NRG2: variants seen among roughly 807,000 people sequenced by gnomAD.
NRG2 encodes pro-neuregulin-2, membrane-bound isoform.
Under a neutral mutation model 73.9 loss-of-function variants are expected in NRG2, and 27 were observed. That is an observed-to-expected ratio of 0.37 (90% CI 0.27 to 0.50). The LOEUF is 0.50. NRG2 is among the 20% of genes least tolerant of loss of function. The pLI is 0.96. For missense variants in NRG2, 1,126 were observed against 1,210.1 expected (o/e 0.93, Z 1.03); for synonymous variants, 532 against 541.0 (o/e 0.98, Z 0.23).
At chr5:139,949,769 G>T (rs1038791136) in intron 1 of NRG2, among the ~76,000 whole-genome samples, 2 of 152,228 alleles carry the variant, frequency 1.3e-5, no homozygotes, top group African/African-American at 4.8e-5. Flanking sequence ...AGAAGGCTTT[G>T]CTGGGTGTCT....
At chr5:139,949,215 C>A (rs957015865) in intron 1 of NRG2, among the ~76,000 whole-genome samples, 3 of 152,146 alleles carry the variant, frequency 2.0e-5, no homozygotes, top group South Asian at 4.2e-4. Flanking sequence ...AAATTTTCAT[C>A]ATTTCCACCA....
chr5:139,962,971 C>A (rs1755194706), intron 1 of NRG2, among the ~76,000 whole-genome samples: 1 of 152,182 alleles, frequency 6.6e-6, no homozygotes, highest in Non-Finnish European at 1.5e-5. Flanking sequence ...CCTCTCTAGA[C>A]CTGAAGGTCA....
chr5:140,003,696 TGTG>T (rs1237876852), intron 1 of NRG2, among the ~76,000 whole-genome samples: 1 of 152,150 alleles, frequency 6.6e-6, no homozygotes, highest in Non-Finnish European at 1.5e-5. Flanking sequence ...AGCCATTTGT[TGTG>T]GTAATTTTTT....
At chr5:139,949,125 C>G (rs1436901573) in intron 1 of NRG2, among the ~76,000 whole-genome samples, 4 of 152,110 alleles carry the variant, frequency 2.6e-5, no homozygotes, top group African/African-American at 7.2e-5. Context: ...TAAAAATAAT[C>G]TCCTGTTTCC....
intron 2 of NRG2, among the ~76,000 whole-genome samples, chr5:139,881,452 G>A (rs1763522536): frequency 6.6e-6 from 1 of 152,228 alleles, no homozygotes; most frequent in African/African-American, 2.4e-5. Context: ...CAGACTCCTA[G>A]TCCAAACCTG....
At chr5:139,898,500 C>G (rs1561664974) in intron 1 of NRG2, among the ~76,000 whole-genome samples, 1 of 152,178 alleles carries the variant, frequency 6.6e-6, no homozygotes, top group Non-Finnish European at 1.5e-5. Context: ...CTGACTGCAC[C>G]AGAAGTCACA....
intron 1 of NRG2, among the ~76,000 whole-genome samples, chr5:139,987,245 C>T (rs904152129): frequency 6.6e-6 from 1 of 150,830 alleles, no homozygotes; most frequent in Non-Finnish European, 1.5e-5. Flanking sequence ...CCGAGCGTGG[C>T]GGTGAGCGCC....
chr5:140,021,871 A>G (rs549192619), intron 1 of NRG2, among the ~76,000 whole-genome samples: 1 of 152,200 alleles, frequency 6.6e-6, no homozygotes, highest in Non-Finnish European at 1.5e-5. Context: ...TGCACAAAAG[A>G]AGGCTCCATC....
intron 4 of NRG2, among the ~76,000 whole-genome samples, chr5:139,867,797 T>TG (rs59687459): frequency 5.9e-5 from 6 of 101,882 alleles, no homozygotes; most frequent in South Asian, 3.4e-4. Context: ...TGTGTGTGTG[T>TG]ATGAGTGTGT....
chr5:139,939,235 CCTTCCTTCCTTTCTTT>C (rs1178581014), intron 1 of NRG2, among the ~76,000 whole-genome samples: 2 of 144,528 alleles, frequency 1.4e-5, no homozygotes, highest in African/African-American at 5.5e-5. Context: ...TTCCTTCCTT[CCTTCCTTCCTTTCTTT>C]CTTTCTTTCT....
intron 1 of NRG2, among the ~76,000 whole-genome samples, chr5:139,990,328 G>A (rs1463743730): frequency 1.3e-5 from 2 of 149,688 alleles, no homozygotes; most frequent in Non-Finnish European, 3.0e-5. Flanking sequence ...TTGAGATGGA[G>A]TTTTGCTCTT....
rs2127053539 is a variant in NRG2, at chr5:139,865,963, T to C, written c.1113-338A>G. 6.6e-6 allele frequency among the ~76,000 whole-genome samples: 1 copy of C among 152,268 alleles called. No homozygotes were observed. The highest frequency in any genetic ancestry group is 1.5e-5 in the Non-Finnish European group (1 of 68,008). ...CTGGTGCCCCATGAAGCAAGCACTG[T>C]GGCCTCTTGGTGCCAGGCAGTCAGT... On this transcript the variant is annotated intron_variant, in intron 4 of 9. Coordinates refer to ENST00000361474, the MANE Select transcript of NRG2 (RefSeq NM_004883.3). This position sits in a 1 kb window ranked among gnomAD's most constrained non-coding sequence, Gnocchi z 5.2.
intron 1 of NRG2, among the ~76,000 whole-genome samples, chr5:140,026,437 G>A (rs1302861906): frequency 6.6e-6 from 1 of 152,110 alleles, no homozygotes; most frequent in African/African-American, 2.4e-5. Flanking sequence ...TAGGTGAGAT[G>A]TAAGTATCCA....
At chr5:139,910,062 T>C (rs1765479889) in intron 1 of NRG2, among the ~76,000 whole-genome samples, 1 of 152,220 alleles carries the variant, frequency 6.6e-6, no homozygotes, top group African/African-American at 2.4e-5. Context: ...AAGGGCAAGC[T>C]TGGATACTGG....
chr5:139,889,985 A>G (rs1317792609), intron 1 of NRG2, among the ~76,000 whole-genome samples: 1 of 152,214 alleles, frequency 6.6e-6, no homozygotes, highest in Non-Finnish European at 1.5e-5. Context: ...TTATTTCCTA[A>G]GGCGATCTTC....
Position 139,904,366 on chromosome 5 carries a change from C to T in NRG2, c.701-16855G>A, listed in dbSNP as rs769122870. 8.2e-6 allele frequency: 13 copies of T among 1,587,200 alleles called. No individual in the cohort carries two copies. The Admixed American group carries it at 2.0e-4, about 25-fold the overall frequency. ...CCTCCCCTCTGGGTGCTTCTTGCCGCGGCCGCGGCCCCTCCTCCTGGACTC... is the reference window on the plus strand; with the variant it reads ...CCTCCCCTCTGGGTGCTTCTTGCCGTGGCCGCGGCCCCTCCTCCTGGACTC... On this transcript the variant is annotated intron_variant, in intron 1 of 9. Coordinates refer to ENST00000361474, the MANE Select transcript of NRG2 (RefSeq NM_004883.3). The surrounding 1 kb of genome is among the most constrained non-coding windows in gnomAD (Gnocchi z 6.0).
intron 1 of NRG2, among the ~76,000 whole-genome samples, chr5:140,030,681 C>T (rs142254635): frequency 1.7e-3 from 253 of 152,352 alleles, no homozygotes; most frequent in African/African-American, 6.0e-3. Flanking sequence ...CATGTGCCTC[C>T]CTTCAACTTA....
intron 1 of NRG2, among the ~76,000 whole-genome samples, chr5:139,910,194 A>T (rs1184920827): frequency 6.6e-6 from 1 of 152,218 alleles, no homozygotes; most frequent in Non-Finnish European, 1.5e-5. Context: ...TCTGTCAGCC[A>T]ACCCGGAAAG....
Position 139,870,004 on chromosome 5 carries a change from G to A in NRG2, c.1112+1717C>T, listed in dbSNP as rs1418562572. ...AGTGACAGTGCTGGATCCCTTCAAA[G>A]TCTGGGGTCCAAGGGGCTAGGGAAG... On this transcript the variant is annotated intron_variant, in intron 4 of 9. Coordinates refer to ENST00000361474, the MANE Select transcript of NRG2 (RefSeq NM_004883.3). The surrounding 1 kb of genome is among the most constrained non-coding windows in gnomAD (Gnocchi z 4.4). Among the ~76,000 whole-genome samples the A allele has an allele frequency of 1.3e-5, 2 of 152,220 alleles. No homozygotes were observed. The highest frequency in any genetic ancestry group is 2.1e-4 in the South Asian group (1 of 4,834).
Sources: allele counts gnomAD v4.1 joint callset (sites outside exome capture counted in the v4.1 genomes callset), GRCh38; gene constraint gnomAD v4.1.1; non-coding constraint Gnocchi (gnomAD v3.1); transcripts MANE v1.5; gene names NCBI Gene and HGNC (gene_info 2026-07-23, HGNC 2026-07-21).